CDH12: variants seen among roughly 807,000 people sequenced by gnomAD.
CDH12 encodes cadherin-12.
In CDH12, 41 loss-of-function variants were observed where a neutral mutation model predicts 74.1. The observed-to-expected ratio is 0.55, with a 90% CI of 0.43 to 0.72. The LOEUF (loss-of-function observed/expected upper bound fraction) is 0.72. Among genes scored for constraint, CDH12 ranks in the 30% least tolerant of loss-of-function variants. The pLI is 0.00. For synonymous variants in CDH12, 399 were observed against 355.0 expected (o/e 1.12, Z -1.39); for missense variants, 945 against 977.2 (o/e 0.97, Z 0.44).
intron 5 of CDH12, among the ~76,000 whole-genome samples, chr5:22,057,400 C>T (rs770847552): frequency 1.3e-5 from 2 of 152,038 alleles, no homozygotes; most frequent in Admixed American, 6.6e-5. Flanking sequence ...TGAGCAGGAA[C>T]AGCCATTAAG....
intron 4 of CDH12, among the ~76,000 whole-genome samples, chr5:22,200,524 G>C (rs1750872046): frequency 6.6e-6 from 1 of 152,112 alleles, no homozygotes; most frequent in South Asian, 2.1e-4. Context: ...AATTTCCACT[G>C]TTCATTAAAG....
chr5:22,602,178 A>G (rs567443868), intron 1 of CDH12, among the ~76,000 whole-genome samples: 1 of 152,222 alleles, frequency 6.6e-6, no homozygotes, highest in African/African-American at 2.4e-5. Flanking sequence ...GAAATTCTGT[A>G]AAAGGGCGAG....
chr5:22,063,803 C>T (rs1482849510), intron 5 of CDH12, among the ~76,000 whole-genome samples: 2 of 151,920 alleles, frequency 1.3e-5, no homozygotes, highest in East Asian at 3.9e-4. Context: ...CCTAATAAAA[C>T]AGACATACTT....
intron 2 of CDH12, among the ~76,000 whole-genome samples, chr5:22,409,908 C>T (rs1046737466): frequency 3.3e-5 from 5 of 151,858 alleles, no homozygotes; most frequent in Admixed American, 6.6e-5. Context: ...ATTTACAGCT[C>T]GAAGATAAAT....
At position 22,759,264 on chromosome 5, in the gene CDH12, C is replaced by T. The variant is rs191671117; in HGVS notation, c.-523+93794G>A. ...GCCACCACACATGTATTCTTTCTTC[C>T]AAAGCCTTGTTTTATTCTTACCTTA... On this transcript the variant is annotated intron_variant, in intron 1 of 14. Coordinates refer to ENST00000382254, the MANE Select transcript of CDH12 (RefSeq NM_004061.5). Among the ~76,000 whole-genome samples the T allele has an allele frequency of 1.3e-4, 20 of 152,156 alleles. No individual in the cohort carries two copies. The East Asian group carries it at 3.7e-3, about 28-fold the overall frequency.
At chr5:22,429,325 G>A (rs1744073789) in intron 2 of CDH12, among the ~76,000 whole-genome samples, 1 of 151,614 alleles carries the variant, frequency 6.6e-6, no homozygotes, top group African/African-American at 2.4e-5. Context: ...TTTTTTTAGA[G>A]ACACTTTTTT....
At chr5:22,561,861 A>G (rs1397919279) in intron 1 of CDH12, among the ~76,000 whole-genome samples, 1 of 152,126 alleles carries the variant, frequency 6.6e-6, no homozygotes, top group African/African-American at 2.4e-5. Flanking sequence ...CCTGGTATAT[A>G]CTCTCATGAA....
intron 1 of CDH12, among the ~76,000 whole-genome samples, chr5:22,572,863 C>A (rs552492976): frequency 6.6e-6 from 1 of 152,306 alleles, no homozygotes; most frequent in South Asian, 2.1e-4. Flanking sequence ...CCTCATTCAT[C>A]TCTCAGAGAC....
chr5:22,844,951 G>A (rs1737233820), intron 1 of CDH12, among the ~76,000 whole-genome samples: 1 of 152,040 alleles, frequency 6.6e-6, no homozygotes, highest in East Asian at 1.9e-4. Context: ...ATTCTTCTCT[G>A]TTCTCTTCAT....
At chr5:22,321,812 A>C (rs1375341610) in intron 3 of CDH12, among the ~76,000 whole-genome samples, 1 of 152,154 alleles carries the variant, frequency 6.6e-6, no homozygotes, top group Non-Finnish European at 1.5e-5. Context: ...ACTCCAGAAT[A>C]GCAAGCAGCA....
At position 22,364,144 on chromosome 5, in the gene CDH12, C is replaced by A. The variant is rs112727761; in HGVS notation, c.-333+41113G>T. On this transcript the variant is annotated intron_variant, in intron 3 of 14. Transcript: ENST00000382254. ...AAAGATAAGATTGTATGGCTTTGTG[C>A]AAAATAAAAAAGGTATTGCATGACA... Among the ~76,000 whole-genome samples, 467 of 151,952 alleles carry A rather than the reference C, an allele frequency of 3.1e-3. 6 individuals carry two copies. Among genetic ancestry groups the A allele is most frequent in the African/African-American group, 0.011 (450 of 41,448 alleles).
At chr5:21,944,948 G>T (rs906626126) in intron 6 of CDH12, among the ~76,000 whole-genome samples, 2 of 152,004 alleles carry the variant, frequency 1.3e-5, no homozygotes, top group African/African-American at 4.8e-5. Flanking sequence ...AGATAAACAT[G>T]CACACCCACC....
At chr5:21,919,386 T>G (rs1051994458) in intron 6 of CDH12, among the ~76,000 whole-genome samples, 2 of 152,172 alleles carry the variant, frequency 1.3e-5, no homozygotes, top group African/African-American at 4.8e-5. Context: ...AACCCTATTT[T>G]TTTTTCCTTT....
chr5:22,546,951 A>G (rs1207770973), intron 1 of CDH12, among the ~76,000 whole-genome samples: 5 of 152,202 alleles, frequency 3.3e-5, no homozygotes, highest in Non-Finnish European at 7.3e-5. Flanking sequence ...TGCAATAGGT[A>G]TAACAAAAAT....
intron 1 of CDH12, among the ~76,000 whole-genome samples, chr5:22,614,930 T>C (rs1737619122): frequency 6.6e-6 from 1 of 152,000 alleles, no homozygotes; most frequent in Non-Finnish European, 1.5e-5. Context: ...GGTAGGGAGG[T>C]TTGACAGCAT....
chr5:22,495,425 C>A (rs1747066289), intron 2 of CDH12, among the ~76,000 whole-genome samples: 1 of 152,064 alleles, frequency 6.6e-6, no homozygotes, highest in Non-Finnish European at 1.5e-5. Context: ...ATTCAATTAA[C>A]AAGGTGGTGG....
chr5:22,511,165 G>C (rs551900280), intron 1 of CDH12, among the ~76,000 whole-genome samples: 43 of 152,134 alleles, frequency 2.8e-4, no homozygotes, highest in Non-Finnish European at 5.7e-4. Context: ...AAAGTGCTGG[G>C]ATTAGAGGCG....
At chr5:22,098,850 G>A (rs922130595) in intron 4 of CDH12, among the ~76,000 whole-genome samples, 2 of 151,936 alleles carry the variant, frequency 1.3e-5, no homozygotes, top group East Asian at 1.9e-4. Flanking sequence ...AGGCCTAATC[G>A]CCACACACCA....
chr5:22,045,992 CAT>C (rs1739923973), intron 5 of CDH12, among the ~76,000 whole-genome samples: 1 of 152,156 alleles, frequency 6.6e-6, no homozygotes, highest in African/African-American at 2.4e-5. Context: ...ATATATCAAA[CAT>C]ATTATCTCAT....
Sources: gnomAD v4.1 joint callset for allele counts (sites outside exome capture counted in the v4.1 genomes callset) on GRCh38, gnomAD v4.1.1 for gene constraint, MANE v1.5 for transcripts, NCBI Gene and HGNC (gene_info 2026-07-23, HGNC 2026-07-21) for gene names.